TJP1: variants seen among roughly 807,000 people sequenced by gnomAD.
The protein encoded by TJP1 is tight junction protein 1.
Under a neutral mutation model 194.2 loss-of-function variants are expected in TJP1, and 43 were observed. The ratio of observed to expected loss-of-function variants is 0.22; its 90% CI spans 0.17 to 0.29. TJP1 has a LOEUF of 0.29. TJP1 is among the 10% of genes least tolerant of loss of function. TJP1 has a pLI of 1.00. For missense variants in TJP1, 1,971 were observed against 2,185.7 expected, an observed-to-expected ratio of 0.90 and a Z score of 1.96; for synonymous variants, 801 against 779.0, an observed-to-expected ratio of 1.03 and a Z score of -0.47.
At chr15:29,729,330 T>TAAAA (rs2043448749) in intron 15 of TJP1, 1 of 152,030 alleles carries the variant, frequency 6.6e-6, no homozygotes, top group Non-Finnish European at 1.5e-5. Context: ...AAACAAAACT[T>TAAAA]CTTCTGAAAA....
chr15:29,822,417 C>A lies in TJP1; in HGVS notation c.-389G>T. On this transcript the variant is annotated 5_prime_UTR_variant, in exon 1 of 28. Coordinates refer to ENST00000614355, the MANE Select transcript of TJP1 (RefSeq NM_001330239.4). ...TAACTTCCCGGGAACCGGCGGCCGC[C>A]AAGGAACGCGGCGTCCGCTGGCTCA... 1.0e-6 allele frequency: 1 copy of A among 992,808 alleles called. No homozygotes were observed. Among genetic ancestry groups the A allele is most frequent in the Non-Finnish European group, 1.2e-6 (1 of 834,874 alleles). 61.5% of individuals were successfully genotyped at this position (992,808 alleles called of 1,614,324 possible). A position where few individuals can be genotyped will look rare whatever the true frequency, so the allele number is the denominator to read the frequency against.
At chr15:29,912,973 G>A (rs1719332) in intron 2 of TJP1, among the ~76,000 whole-genome samples, 31,675 of 152,102 alleles carry the variant, frequency 0.21, 3,585 homozygotes, top group Middle Eastern at 0.29. Context: ...GCAGAGACGA[G>A]CAGAGATTAA....
At chr15:29,709,074 A>G in intron 24 of TJP1, 38 bp from the exon 25 acceptor site, 1 of 1,565,190 alleles carries the variant, frequency 6.4e-7, no homozygotes, top group Non-Finnish European at 8.7e-7. Flanking sequence ...AACTTTCTGA[A>G]AAAAGTTATA....
intron 1 of TJP1, among the ~76,000 whole-genome samples, chr15:29,956,548 G>A (rs2055949558): frequency 1.3e-5 from 2 of 152,188 alleles, no homozygotes; most frequent in African/African-American, 2.4e-5. Flanking sequence ...TTCTTAGCTA[G>A]TTAAGACATC....
intron 1 of TJP1, among the ~76,000 whole-genome samples, chr15:29,809,384 T>C (rs1188966909): frequency 1.3e-5 from 2 of 152,192 alleles, no homozygotes; most frequent in African/African-American, 2.4e-5. Flanking sequence ...CCAAAATTCA[T>C]ACTGTTAAAA....
intron 1 of TJP1, among the ~76,000 whole-genome samples, chr15:29,966,029 A>T (rs2056320070): frequency 2.0e-5 from 3 of 152,322 alleles, no homozygotes; most frequent in Non-Finnish European, 4.4e-5. Flanking sequence ...GCTTGGATAT[A>T]AAAGTTACCT....
At chr15:29,950,103 C>CCTT (rs1488579980) in intron 2 of TJP1, among the ~76,000 whole-genome samples, 1 of 92,842 alleles carries the variant, frequency 1.1e-5, no homozygotes, top group Non-Finnish European at 2.0e-5. Flanking sequence ...ACCACCTCCA[C>CCTT]CACCACCACC....
rs758653969 is a variant in TJP1 at position 29,705,683 on chromosome 15, C to T, written c.4913G>A (p.Gly1638Asp). Residue 1638 changes from glycine (G) to aspartate (D), a missense_variant, in exon 26 of 28, where the codon GGC (glycine) becomes GAC (aspartate). Gly to Asp is a moderately conservative substitution (Grantham distance 94, BLOSUM62 -1). This residue lies in a region of TJP1 where 1,108 missense variants were observed against 1,128.5 expected (regional missense o/e 0.98). Coordinates refer to ENST00000614355, the MANE Select transcript of TJP1 (RefSeq NM_001330239.4). ...DGHTVVATAR[G>D]IFNSNGGVLS... is the part of the protein sequence containing the mutation. ...CACGCCCCCATTGCTGTTAAATATG[C>T]CTCGGGCTGTGGCCACCACAGTATG... 9.3e-6 allele frequency: 15 copies of T among 1,614,130 alleles called. No individual in the cohort carries two copies. The highest frequency in any genetic ancestry group is 1.3e-5 in the Non-Finnish European group (15 of 1,180,028).
At chr15:29,721,009 A>G (rs1320349321) in intron 18 of TJP1, among the ~76,000 whole-genome samples, 1 of 152,224 alleles carries the variant, frequency 6.6e-6, no homozygotes, top group East Asian at 1.9e-4. Context: ...TCAGATTTAT[A>G]AAACCTACTC....
chr15:29,841,196 C>T (rs187713369), intron 2 of TJP1, among the ~76,000 whole-genome samples: 43 of 152,236 alleles, frequency 2.8e-4, no homozygotes, highest in African/African-American at 9.1e-4. Flanking sequence ...TGGGCCTTAG[C>T]AAATGTGAAA....
At chr15:29,824,300 G>A (rs529665283), upstream of TJP1, among the ~76,000 whole-genome samples, 2 of 151,422 alleles carry the variant, frequency 1.3e-5, no homozygotes, top group African/African-American at 2.4e-5. Flanking sequence ...GAAAGTAGCC[G>A]GGCATGGTGA....
Position 29,718,772 on chromosome 15 carries a change from AG to A in TJP1, c.3369del (p.Ser1124GlnfsTer103). 6.2e-7 allele frequency: 1 copy of A among 1,614,166 alleles called. No homozygotes were observed. Among genetic ancestry groups the A allele is most frequent in the Non-Finnish European group, 8.5e-7 (1 of 1,180,036 alleles). The part of the protein sequence containing the change: ...DLDSRQHPEE[S>X]SERGYFPRFE... ...AAACGTGGAAAGTACCCTCGTTCTG[AG>A]GACTCTTCGGGATGCTGTCTGGAGT... On this transcript the variant is annotated frameshift_variant, in exon 21 of 28. Coordinates refer to ENST00000614355, the MANE Select transcript of TJP1 (RefSeq NM_001330239.4). LOFTEE classifies it high-confidence loss of function.
rs140542077 is a variant in TJP1 at position 29,919,052 on chromosome 15, C to T, written c.306+37180G>A. On this transcript the variant is annotated intron_variant, in intron 2 of 28. Coordinates refer to the TJP1 transcript ENST00000356107. The stretch of plus-strand genomic sequence containing the variant: ...AATGTCACCATGCCGGGAATAAAGA[C>T]GCTAAAACCTTCCAGAGCAAAAAGC... Among the ~76,000 whole-genome samples, 1,496 of 152,280 alleles carry T rather than the reference C, an allele frequency of 9.8e-3. 11 individuals are homozygous for T. The highest frequency in any genetic ancestry group is 0.015 in the Non-Finnish European group (1,049 of 68,016).
intron 2 of TJP1, among the ~76,000 whole-genome samples, chr15:29,881,263 C>A (rs1042415032): frequency 1.3e-5 from 2 of 152,206 alleles, no homozygotes; most frequent in African/African-American, 4.8e-5. Context: ...AATGTCTGTT[C>A]AAGTCCTTTG....
Position 29,701,435 on chromosome 15 carries a change from T to C in TJP1, c.*160A>G. The C allele has an allele frequency of 1.7e-6, 1 of 589,494 alleles. No individual in the cohort carries two copies. The highest frequency in any genetic ancestry group is 3.0e-6 in the Non-Finnish European group (1 of 335,186). 36.5% of individuals were successfully genotyped at this position (589,494 alleles called of 1,614,324 possible). On this transcript the variant is annotated 3_prime_UTR_variant, in exon 28 of 28. Coordinates refer to ENST00000614355, the MANE Select transcript of TJP1 (RefSeq NM_001330239.4). Reference sequence around the variant, plus strand: ...TGTGTAGCATGTTTTCCGACCATGGTTCAGGGGCATGCTCACTCATCTTTA... The same window carrying C: ...TGTGTAGCATGTTTTCCGACCATGGCTCAGGGGCATGCTCACTCATCTTTA...
At chr15:29,908,427 T>C (rs2152217438) in intron 2 of TJP1, among the ~76,000 whole-genome samples, 1 of 152,300 alleles carries the variant, frequency 6.6e-6, no homozygotes, top group South Asian at 2.1e-4. Context: ...TAGAATGCTA[T>C]ACTCAACCAA....
At chr15:29,757,822 T>C (rs570753167) in intron 8 of TJP1, among the ~76,000 whole-genome samples, 6 of 152,302 alleles carry the variant, frequency 3.9e-5, no homozygotes, top group African/African-American at 1.4e-4. Context: ...AAAAATACAG[T>C]TGACCCTTGA....
intron 25 of TJP1, among the ~76,000 whole-genome samples, chr15:29,707,851 C>T (rs887141482): frequency 7.9e-5 from 12 of 152,186 alleles, no homozygotes; most frequent in Non-Finnish European, 1.5e-4. Flanking sequence ...ATGTCCTCCA[C>T]ATGCACCTTA....
At chr15:29,946,911 G>A (rs1004016534) in intron 2 of TJP1, among the ~76,000 whole-genome samples, 2 of 152,144 alleles carry the variant, frequency 1.3e-5, no homozygotes, top group Admixed American at 1.3e-4. Flanking sequence ...TCCTGAATGA[G>A]GGATAATTCG....
Sources: allele counts gnomAD v4.1 joint callset (sites outside exome capture counted in the v4.1 genomes callset), GRCh38; gene constraint gnomAD v4.1.1; regional missense constraint gnomAD v4.1.1; transcripts MANE v1.5; gene names NCBI Gene and HGNC (gene_info 2026-07-23, HGNC 2026-07-21).